Variants in SPG7 observed in about 807,000 individuals in gnomAD.
The protein encoded by SPG7 is mitochondrial inner membrane m-AAA protease component paraplegin.
In SPG7, 103 loss-of-function variants were observed where a neutral mutation model predicts 81.9. The observed-to-expected ratio is 1.26, with a 90% CI of 1.07 to 1.48. SPG7 has a LOEUF of 1.48. Among genes scored for constraint, SPG7 ranks in the 40% most tolerant of loss-of-function variants. The pLI is 0.00. For synonymous variants in SPG7, 534 were observed against 444.2 expected (o/e 1.20, Z -2.54); for missense variants, 1,241 against 1,087.3 (o/e 1.14, Z -1.99).
At chr16:89,517,277 G>A (rs890947459) in intron 3 of SPG7, 3 of 139,738 alleles carry the variant, frequency 2.1e-5, no homozygotes, top group Non-Finnish European at 4.8e-5. Context: ...CCGTTGTCAT[G>A]GTTCCTGGAG....
rs188800517 is a variant in SPG7 at position 89,554,035 on chromosome 16, T to C, written c.2103+75T>C. 383 of 1,539,996 alleles carry C rather than the reference T, an allele frequency of 2.5e-4. 3 individuals are homozygous for C. In the African/African-American group the frequency reaches 4.7e-3, roughly 19 times the overall value. ...AGTCCCTGGGTCTACCACACAAGGG[T>C]CGCCCACGGCCGCCCCAGCGGAGCT... On this transcript the variant is annotated intron_variant, in intron 15 of 16. Transcript: ENST00000645818.
chr16:89,524,120 G>A lies in SPG7; in HGVS notation c.491G>A (p.Ser164Asn). Residue 164 changes from serine to asparagine, a missense_variant, in exon 4 of 17, where the codon AGC becomes AAC. Coordinates refer to ENST00000645818, the MANE Select transcript of SPG7 (RefSeq NM_003119.4). ...LLNALSTSGGSISWNDFVHEM... is the reference protein window; with the variant it reads ...LLNALSTSGGNISWNDFVHEM... ...AATGCTCTCAGCACCAGCGGAGGCA[G>A]CATTTCCTGGAACGACTTTGTCCAC... is the stretch of plus-strand genomic sequence containing the variant. 1 of 1,614,116 alleles carries A rather than the reference G, an allele frequency of 6.2e-7. No homozygotes were observed. Among genetic ancestry groups the A allele is most frequent in the Non-Finnish European group, 8.5e-7 (1 of 1,180,044 alleles).
intron 4 of SPG7, among the ~76,000 whole-genome samples, chr16:89,526,077 G>A (rs886641137): frequency 7.9e-5 from 12 of 152,120 alleles, no homozygotes; most frequent in African/African-American, 2.9e-4. Flanking sequence ...AGCTTCCCAG[G>A]GGCTCACTGG....
chr16:89,523,588 C>T (rs971123428), intron 3 of SPG7: 5 of 413,092 alleles, frequency 1.2e-5, no homozygotes, highest in African/African-American at 2.0e-5. Flanking sequence ...CTGGGACGGT[C>T]GTTTCTTTTC....
chr16:89,523,656 A>T (rs904044414), intron 3 of SPG7: 3 of 467,760 alleles, frequency 6.4e-6, no homozygotes, highest in African/African-American at 5.9e-5. Flanking sequence ...ATCACGGCTC[A>T]CTGCAGCTTC....
chr16:89,532,544 A>T lies in SPG7; in HGVS notation c.1232A>T (p.Asp411Val). The change falls in exon 9 of 17, where the codon GAC (aspartate) becomes GTC (valine). Residue 411 changes from aspartate to valine, a missense_variant. Asp to Val is a radical substitution (Grantham distance 152, BLOSUM62 -3). Coordinates refer to ENST00000645818, the MANE Select transcript of SPG7 (RefSeq NM_003119.4). Reference protein sequence around the residue: ...APCIVYIDEIDAVGKKRSTTM... With the variant: ...APCIVYIDEIVAVGKKRSTTM... ...TGCATCGTCTACATCGATGAGATCG[A>T]CGCGGTGGGCAAGAAGCGCTCCACC... 4 of 1,613,746 alleles carry T rather than the reference A, an allele frequency of 2.5e-6. No homozygotes were observed. Among genetic ancestry groups the T allele is most frequent in the Non-Finnish European group, 3.4e-6 (4 of 1,180,034 alleles).
At chr16:89,516,535 A>G (rs1463262156) in intron 3 of SPG7, among the ~76,000 whole-genome samples, 1 of 152,086 alleles carries the variant, frequency 6.6e-6, no homozygotes, top group East Asian at 1.9e-4. Context: ...TGGATAATAG[A>G]GTGAGACCTT....
intron 2 of SPG7, among the ~76,000 whole-genome samples, chr16:89,511,916 A>T (rs554297407): frequency 2.1e-3 from 240 of 111,914 alleles, no homozygotes; most frequent in East Asian, 0.019. Flanking sequence ...GTTGTTGTTT[A>T]TTATTATTTT....
Position 89,553,901 on chromosome 16 carries a change from G to T in SPG7, c.2044G>T (p.Gly682Cys), listed in dbSNP as rs747812461. ...CATCTCCTTCCCTGAGGCGCAGGAGGGCCTCATGGGCATCGGGCGGCGCCC... is the reference window on the plus strand; with the variant it reads ...CATCTCCTTCCCTGAGGCGCAGGAGTGCCTCATGGGCATCGGGCGGCGCCC... Reference protein sequence around the residue: ...GPISFPEAQEGLMGIGRRPFS... With the variant: ...GPISFPEAQECLMGIGRRPFS... Residue 682 changes from glycine (G) to cysteine (C), a missense_variant, in exon 15 of 17, where the codon GGC becomes TGC. Coordinates refer to ENST00000645818, the MANE Select transcript of SPG7 (RefSeq NM_003119.4). 2 of 1,613,032 alleles carry T rather than the reference G, an allele frequency of 1.2e-6. No homozygotes were observed. Among genetic ancestry groups the T allele is most frequent in the South Asian group, 2.2e-5 (2 of 91,080 alleles).
chr16:89,523,568 C>T (rs957091383), intron 3 of SPG7: 7 of 381,654 alleles, frequency 1.8e-5, no homozygotes, highest in Admixed American at 6.0e-5. Context: ...TCTGTGACGG[C>T]TCGGACGGCC....
At chr16:89,523,843 TTGTCTC>T in intron 3 of SPG7, 157 bp from the exon 4 acceptor site, 1 of 932,862 alleles carries the variant, frequency 1.1e-6, no homozygotes, top group Non-Finnish European at 1.7e-6. Flanking sequence ...GCGTTAGTCT[TTGTCTC>T]TGATAACGTC....
Position 89,530,736 on chromosome 16 carries a change from A to G in SPG7, c.915A>G (p.Gly305=), listed in dbSNP as rs2058330291. 1 of 1,614,068 alleles carries G rather than the reference A, an allele frequency of 6.2e-7. No individual in the cohort carries two copies. Among genetic ancestry groups the G allele is most frequent in the Admixed American group, 1.7e-5 (1 of 60,000 alleles). ...FTIVDGKMGK[G]VSFKDVAGMH... ...TTGTGGATGGGAAGATGGGGAAAGG[A>G]GTCAGCTTCAAAGACGTGGCAGGAA... The change falls in exon 7 of 17, where the codon GGA becomes GGG. Residue 305 remains glycine, a synonymous_variant. Transcript: ENST00000645818.
At chr16:89,544,433 C>T (rs1006570669) in intron 9 of SPG7, 1 of 565,318 alleles carries the variant, frequency 1.8e-6, no homozygotes, top group Non-Finnish European at 3.2e-6. Flanking sequence ...GCTGTTTGCA[C>T]TTGTCAAAAT....
chr16:89,514,195 C>T (rs1032451226), intron 3 of SPG7, among the ~76,000 whole-genome samples: 2 of 151,972 alleles, frequency 1.3e-5, no homozygotes, highest in African/African-American at 2.4e-5. Flanking sequence ...TGCTTACAGC[C>T]ACTCAGAACT....
rs777054904 is a variant in SPG7, at chr16:89,508,432, G to C, written c.15G>C (p.Leu5=). ...TTCAGGCCAACATGGCCGTGCTGCTGCTGCTGCTCCGTGCCCTCCGCCGGG... is the reference window on the plus strand; with the variant it reads ...TTCAGGCCAACATGGCCGTGCTGCTCCTGCTGCTCCGTGCCCTCCGCCGGG... MAVL[L]LLLRALRRGP... The change falls in exon 1 of 17, where the codon CTG becomes CTC. Residue 5 remains leucine, a synonymous_variant. Coordinates refer to ENST00000645818, the MANE Select transcript of SPG7 (RefSeq NM_003119.4). 2 of 1,493,706 alleles carry C rather than the reference G, an allele frequency of 1.3e-6. No individual in the cohort carries two copies. Among genetic ancestry groups the C allele is most frequent in the Non-Finnish European group, 8.9e-7 (1 of 1,128,680 alleles). 92.5% of individuals were successfully genotyped at this position (1,493,706 alleles called of 1,614,324 possible). A position where few individuals can be genotyped will look rare whatever the true frequency, so the allele number is the denominator to read the frequency against.
At position 89,515,660 on chromosome 16, in the gene SPG7, A is replaced by C. The variant is rs531334044; in HGVS notation, c.376+2623A>C. 2.1e-4 allele frequency among the ~76,000 whole-genome samples: 31 copies of C among 150,030 alleles called. No individual in the cohort carries two copies. In the South Asian group the frequency reaches 5.8e-3, roughly 28 times the overall value. On this transcript the variant is annotated intron_variant, in intron 3 of 16. Coordinates refer to ENST00000645818, the MANE Select transcript of SPG7 (RefSeq NM_003119.4). ...GAGGCCAAGGTGGGATGATCACTTG[A>C]GCCCAGGAGTTTAAGACCCTCATTT...
chr16:89,553,154 G>A lies in SPG7; in HGVS notation c.1936+19G>A, dbSNP rs1303534940. ...ACTTCTGGTGAGGAGCAGCGGCGCGGGCCCTGGAGGTTTCAGAGCGCTTTT... is the reference window on the plus strand; with the variant it reads ...ACTTCTGGTGAGGAGCAGCGGCGCGAGCCCTGGAGGTTTCAGAGCGCTTTT... On this transcript the variant is annotated intron_variant, in intron 14 of 16. Transcript: ENST00000645818. 1 of 1,581,502 alleles carries A rather than the reference G, an allele frequency of 6.3e-7. No homozygotes were observed. The highest frequency in any genetic ancestry group is 1.7e-4 in the Middle Eastern group (1 of 6,028).
intron 12 of SPG7, 127 bp from the exon 13 acceptor site, chr16:89,550,367 T>A: frequency 1.3e-6 from 1 of 744,178 alleles, no homozygotes; most frequent in Non-Finnish European, 2.4e-6. Flanking sequence ...GGGACGGGGT[T>A]TCACCATATT....
chr16:89,535,870 G>T (rs558260969), intron 9 of SPG7, among the ~76,000 whole-genome samples: 37 of 144,884 alleles, frequency 2.6e-4, no homozygotes, highest in African/African-American at 7.5e-4. Flanking sequence ...GTGCTGTGTG[G>T]CCTTCACTGT....
Sources: gnomAD v4.1 joint callset for allele counts (sites outside exome capture counted in the v4.1 genomes callset) on GRCh38, gnomAD v4.1.1 for gene constraint, MANE v1.5 for transcripts, NCBI Gene and HGNC (gene_info 2026-07-23, HGNC 2026-07-21) for gene names.